KIF9: variants seen among roughly 807,000 people sequenced by gnomAD.
KIF9 encodes the protein kinesin-like protein KIF9.
In KIF9, 68 loss-of-function variants were observed where a neutral mutation model predicts 94.8. That is an observed-to-expected ratio of 0.72 (90% CI 0.59 to 0.88). KIF9 has a LOEUF of 0.88. KIF9 is among the 40% of genes least tolerant of loss of function. The pLI, the probability that KIF9 is intolerant of heterozygous loss-of-function variation, is 0.00. For synonymous variants in KIF9, 343 were observed against 362.1 expected (o/e 0.95, Z 0.60); for missense variants, 882 against 982.5 (o/e 0.90, Z 1.37).
chr3:47,254,803 G>A (rs1295769808), intron 10 of KIF9, among the ~76,000 whole-genome samples: 1 of 151,974 alleles, frequency 6.6e-6, no homozygotes, highest in Non-Finnish European at 1.5e-5. Context: ...TATTAGAAAT[G>A]GGATAGAAGC....
intron 1 of KIF9, chr3:47,281,325 CTTTT>C (rs895832184): frequency 2.9e-5 from 10 of 349,672 alleles, no homozygotes; most frequent in African/African-American, 6.3e-5. Context: ...TCACCACACG[CTTTT>C]TTTGTTTTTG....
chr3:47,271,111 T>A, intron 5 of KIF9, 126 bp downstream of exon 5: 1 of 715,790 alleles, frequency 1.4e-6, no homozygotes, highest in South Asian at 1.9e-5. Flanking sequence ...GCCAGTATAC[T>A]CCAGACTTGG....
rs1259340034 is a variant in KIF9, at chr3:47,277,331, G to T, written c.44C>A (p.Pro15His). ...CATTTCATGAGCAAAGTCATCGGTG[G>T]GTTTGACACGGACAAATGCATGAAC... Reference protein sequence around the residue: ...KKVHAFVRVKPTDDFAHEMIR... With the variant: ...KKVHAFVRVKHTDDFAHEMIR... Residue 15 changes from proline (P) to histidine (H), a missense_variant, in exon 2 of 21, where the codon CCC (proline) becomes CAC (histidine). By Grantham distance (77) the Pro-to-His change is moderately conservative. Coordinates refer to ENST00000684063, the MANE Select transcript of KIF9 (RefSeq NM_182902.4). 1 of 1,613,762 alleles carries T rather than the reference G, an allele frequency of 6.2e-7. No homozygotes were observed. The highest frequency in any genetic ancestry group is 8.5e-7 in the Non-Finnish European group (1 of 1,179,910).
At position 47,228,490 on chromosome 3, in the gene KIF9, C is replaced by T; in HGVS notation, c.*162G>A. 1.4e-6 allele frequency: 1 copy of T among 691,352 alleles called. No individual in the cohort carries two copies. Among genetic ancestry groups the T allele is most frequent in the South Asian group, 1.7e-5 (1 of 58,618 alleles). The allele number at this position is 691,352 out of a possible 1,614,324, so 42.8% of individuals were successfully genotyped here. ...CTCTGTGGAGATGAGCAAGGTTGTC[C>T]TTGGAGGATGCTCCTCCCAACATGC... is the stretch of plus-strand genomic sequence containing the variant. On this transcript the variant is annotated 3_prime_UTR_variant, in exon 21 of 21. Coordinates refer to ENST00000684063, the MANE Select transcript of KIF9 (RefSeq NM_182902.4).
chr3:47,264,271 A>C lies in KIF9; in HGVS notation c.981+15T>G. 1 of 1,604,364 alleles carries C rather than the reference A, an allele frequency of 6.2e-7. No homozygotes were observed. Among genetic ancestry groups the C allele is most frequent in the Non-Finnish European group, 8.5e-7 (1 of 1,171,322 alleles). On this transcript the variant is annotated intron_variant, in intron 9 of 20. Coordinates refer to ENST00000684063, the MANE Select transcript of KIF9 (RefSeq NM_182902.4). ...GGGGGATTCCAGCCTGGTTTCACTG[A>C]CTGTCTTTACATACCGTTTCTTCTA...
chr3:47,281,136 T>C, intron 1 of KIF9: 2 of 661,698 alleles, frequency 3.0e-6, no homozygotes, highest in Middle Eastern at 2.4e-4. Flanking sequence ...TTGGTGATGG[T>C]AATGGCTGGA....
rs962473929 is a variant in KIF9, at chr3:47,248,725, G to A, written c.1060-639C>T. 5.9e-5 allele frequency among the ~76,000 whole-genome samples: 9 copies of A among 152,088 alleles called. No homozygotes were observed. The East Asian group carries it at 1.5e-3, about 26-fold the overall frequency. Reference sequence around the variant, plus strand: ...CTCACAGTGCTAGGATTACAGGCATGAGCCACCATACCCAGCACCAGAATG... The same window carrying A: ...CTCACAGTGCTAGGATTACAGGCATAAGCCACCATACCCAGCACCAGAATG... On this transcript the variant is annotated intron_variant, in intron 10 of 20. Coordinates refer to ENST00000684063, the MANE Select transcript of KIF9 (RefSeq NM_182902.4).
intron 9 of KIF9, 115 bp downstream of exon 9, chr3:47,264,171 C>T (rs1701148268): frequency 1.2e-6 from 1 of 802,788 alleles, no homozygotes; most frequent in Non-Finnish European, 2.2e-6. Flanking sequence ...TGGATCCTTC[C>T]ACTCTTGACA....
Position 47,275,506 on chromosome 3 carries a change from G to A in KIF9, c.94-16C>T. On this transcript the variant is annotated splice_polypyrimidine_tract_variant and intron_variant, in intron 2 of 20. Transcript: ENST00000684063. ...TATCAATGCTCTAGGAAAAAAGAGT[G>A]AGAAAGAAAAAAATGTTATTTGTTC... 2 of 1,581,994 alleles carry A rather than the reference G, an allele frequency of 1.3e-6. No individual in the cohort carries two copies. The highest frequency in any genetic ancestry group is 1.9e-5 in the Admixed American group (1 of 52,744).
At chr3:47,241,880 ATATATTTTT>A (rs1185940578) in intron 16 of KIF9, among the ~76,000 whole-genome samples, 1 of 99,112 alleles carries the variant, frequency 1.0e-5, no homozygotes, top group African/African-American at 4.1e-5. Flanking sequence ...ATATATATAT[ATATATTTTT>A]TTTTTTTTTT....
chr3:47,250,582 A>C (rs899924563), intron 10 of KIF9: 3 of 494,178 alleles, frequency 6.1e-6, no homozygotes, highest in African/African-American at 5.8e-5. Flanking sequence ...ATCTCACACA[A>C]GCGTATGAAC....
chr3:47,238,756 G>A (rs1699241722), intron 17 of KIF9, among the ~76,000 whole-genome samples: 1 of 151,952 alleles, frequency 6.6e-6, no homozygotes, highest in Non-Finnish European at 1.5e-5. Context: ...TGCCTCCCGG[G>A]TTTTACACCA....
rs1408154778 is a variant in KIF9 at position 47,228,683 on chromosome 3, A to ATGGT, written c.2338_2341dup (p.Met781AsnfsTer10). 6.2e-7 allele frequency: 1 copy of ATGGT among 1,613,982 alleles called. No individual in the cohort carries two copies. Among genetic ancestry groups the ATGGT allele is most frequent in the East Asian group, 2.2e-5 (1 of 44,870 alleles). ...TCTATGTGCCTGCTGGAGGCCCATC[A>ATGGT]TGGTTTTCAAGTAATTATGCTGGAC... On this transcript the variant is annotated frameshift_variant, in exon 21 of 21. Coordinates refer to ENST00000684063, the MANE Select transcript of KIF9 (RefSeq NM_182902.4). LOFTEE classifies it high-confidence loss of function.
intron 12 of KIF9, chr3:47,246,494 G>C (rs141560226): frequency 3.3e-6 from 1 of 303,858 alleles, no homozygotes; most frequent in East Asian, 5.3e-5. Flanking sequence ...CCACCTTTTC[G>C]AAGTGGAGAC....
intron 20 of KIF9, among the ~76,000 whole-genome samples, chr3:47,232,314 T>C (rs1698653351): frequency 6.6e-6 from 1 of 152,086 alleles, no homozygotes; most frequent in South Asian, 2.1e-4. Context: ...TTACGGAGTC[T>C]CACTCTGTCA....
chr3:47,262,188 G>C (rs949523263), intron 9 of KIF9, among the ~76,000 whole-genome samples: 3 of 152,094 alleles, frequency 2.0e-5, no homozygotes, highest in African/African-American at 7.2e-5. Flanking sequence ...AGCTTCTACT[G>C]TCTTGGAGGG....
chr3:47,282,167 A>C, intron 1 of KIF9: 1 of 984,142 alleles, frequency 1.0e-6, no homozygotes, highest in Non-Finnish European at 1.2e-6. Flanking sequence ...CCGACTGGTG[A>C]TCCCAAAGCC....
At chr3:47,278,964 T>C (rs1369027796) in intron 1 of KIF9, among the ~76,000 whole-genome samples, 1 of 150,798 alleles carries the variant, frequency 6.6e-6, no homozygotes, top group East Asian at 2.0e-4. Flanking sequence ...AGAGAGGGAC[T>C]CCATCTCCAA....
chr3:47,230,738 A>G (rs565974896), intron 20 of KIF9, among the ~76,000 whole-genome samples: 6 of 148,596 alleles, frequency 4.0e-5, no homozygotes, highest in South Asian at 2.1e-4. Flanking sequence ...CTTGTGGGGG[A>G]AAAAAAAAGA....
Sources: allele counts gnomAD v4.1 joint callset (sites outside exome capture counted in the v4.1 genomes callset), GRCh38; gene constraint gnomAD v4.1.1; transcripts MANE v1.5; gene names NCBI Gene and HGNC (gene_info 2026-07-23, HGNC 2026-07-21).